Variants in ANXA6 observed in about 807,000 individuals in gnomAD.
ANXA6 encodes annexin A6, also known as 67 kDa calelectrin.
Under a neutral mutation model 95.4 loss-of-function variants are expected in ANXA6, and 71 were observed. That is an observed-to-expected ratio of 0.74 (90% CI 0.61 to 0.91). The LOEUF is 0.91. Among genes scored for constraint, ANXA6 ranks in the 40% least tolerant of loss-of-function variants. The pLI, the probability that ANXA6 is intolerant of heterozygous loss-of-function variation, is 0.00. For missense variants in ANXA6, 830 were observed against 876.4 expected, an observed-to-expected ratio of 0.95 and a Z score of 0.67; for synonymous variants, 289 against 315.9, an observed-to-expected ratio of 0.91 and a Z score of 0.90.
In ANXA6 at chr5:151,122,900, CAGG is replaced by C. The variant is rs1561573427; in HGVS notation, c.1233+14_1233+16del. 6.2e-7 allele frequency: 1 copy of C among 1,612,046 alleles called. No individual in the cohort carries two copies. Among genetic ancestry groups the C allele is most frequent in the Non-Finnish European group, 8.5e-7 (1 of 1,178,308 alleles). ...GTGCATGCATGTTGCACAGAGAGCC[CAGG>C]AGGAGGTCCTTACCCGGCCAAAGTG... On this transcript the variant is annotated intron_variant, in intron 16 of 25. Coordinates refer to ENST00000354546, the MANE Select transcript of ANXA6 (RefSeq NM_001155.5).
chr5:151,103,423 C>T (rs765887774), intron 25 of ANXA6, 147 bp downstream of exon 25: 16 of 624,838 alleles, frequency 2.6e-5, no homozygotes, highest in Non-Finnish European at 4.1e-5. Flanking sequence ...ATAAACAATG[C>T]AATACAGACC....
intron 2 of ANXA6, among the ~76,000 whole-genome samples, chr5:151,143,625 C>T (rs1322596633): frequency 2.0e-5 from 3 of 152,008 alleles, no homozygotes; most frequent in Non-Finnish European, 4.4e-5. Flanking sequence ...GACAGTGTGG[C>T]AGATACGATG....
intron 20 of ANXA6, 77 bp from the exon 21 acceptor site, chr5:151,110,721 G>T: frequency 6.5e-7 from 1 of 1,534,916 alleles, no homozygotes; most frequent in Non-Finnish European, 9.0e-7. Flanking sequence ...TGGTGCTGGG[G>T]CCCTGGGGTG....
In ANXA6 at chr5:151,137,329, T is replaced by C; in HGVS notation, c.319-8A>G. On this transcript the variant is annotated splice_region_variant and splice_polypyrimidine_tract_variant and intron_variant, in intron 5 of 25. Coordinates refer to ENST00000354546, the MANE Select transcript of ANXA6 (RefSeq NM_001155.5). ...CTCATCAGTGCCAATGCCCTGGGGG[T>C]AGAAAAAGAGCGCATGAATTAAGGG... The C allele has an allele frequency of 6.2e-7, 1 of 1,609,290 alleles. No homozygotes were observed. The highest frequency in any genetic ancestry group is 8.5e-7 in the Non-Finnish European group (1 of 1,177,686).
rs995270257 is a variant in ANXA6, at chr5:151,134,366, A to G, written c.546+61T>C. 9.5e-6 allele frequency: 15 copies of G among 1,575,780 alleles called. No homozygotes were observed. The Admixed American group carries it at 2.2e-4, about 23-fold the overall frequency. On this transcript the variant is annotated intron_variant, in intron 8 of 25. Transcript: ENST00000354546. ...ACCTCCAGCCCTTCCCAGGGCCCCA[A>G]CCTCTCCCCTCCCAAGGCTCTTCTG... is the stretch of plus-strand genomic sequence containing the variant.
chr5:151,143,105 CT>C (rs1765881277), intron 2 of ANXA6, among the ~76,000 whole-genome samples: 1 of 152,228 alleles, frequency 6.6e-6, no homozygotes. Context: ...TCTATTACCA[CT>C]TGTGTCCCAG....
At chr5:151,125,112 T>G (rs1765281081) in intron 14 of ANXA6, among the ~76,000 whole-genome samples, 1 of 152,174 alleles carries the variant, frequency 6.6e-6, no homozygotes, top group Admixed American at 6.5e-5. Context: ...ATCTCAGCAC[T>G]TTGGGAGGCC....
intron 11 of ANXA6, 45 bp from the exon 12 acceptor site, chr5:151,129,574 T>C: frequency 1.9e-6 from 3 of 1,558,764 alleles, no homozygotes; most frequent in Non-Finnish European, 2.6e-6. Context: ...GAGAGGAGGC[T>C]AGAGTGCTGA....
chr5:151,128,327 G>A (rs1452518734), intron 12 of ANXA6, 88 bp from the exon 13 acceptor site: 21 of 1,144,084 alleles, frequency 1.8e-5, no homozygotes, highest in Non-Finnish European at 2.7e-5. Flanking sequence ...GCCTGAAAGA[G>A]GGGAAGGCTG....
chr5:151,112,390 G>A (rs776024222), intron 20 of ANXA6, among the ~76,000 whole-genome samples: 66 of 152,056 alleles, frequency 4.3e-4, no homozygotes, highest in Non-Finnish European at 8.4e-4. Flanking sequence ...GACTATGAGG[G>A]AAAGCTTTCG....
rs776311982 is a variant in ANXA6, at chr5:151,110,663, G to T, written c.1573-19C>A. On this transcript the variant is annotated intron_variant, in intron 20 of 25. Transcript: ENST00000354546. ...CAGCCACCTGAGAGCAGGGAGGGGA[G>T]AGAGGAGGGAGAGAAGGGAGGCAAG... 1.2e-6 allele frequency: 2 copies of T among 1,613,206 alleles called. No individual in the cohort carries two copies. The highest frequency in any genetic ancestry group is 2.2e-5 in the South Asian group (2 of 91,042).
At chr5:151,128,370 C>G in intron 12 of ANXA6, 131 bp from the exon 13 acceptor site, 1 of 764,622 alleles carries the variant, frequency 1.3e-6, no homozygotes, top group Non-Finnish European at 2.2e-6. Context: ...CCCTGGCCCT[C>G]CTGTGCTGGT....
chr5:151,146,352 A>AT (rs1385111438), intron 2 of ANXA6, among the ~76,000 whole-genome samples: 1 of 152,010 alleles, frequency 6.6e-6, no homozygotes, highest in Non-Finnish European at 1.5e-5. Flanking sequence ...AATCAGTAAC[A>AT]TTTTCTCCTC....
Position 151,101,464 on chromosome 5 carries a change from C to G in ANXA6, c.2006G>C (p.Cys669Ser). The change falls in exon 26 of 26, where the codon TGT becomes TCT. Residue 669 changes from cysteine (C) to serine (S), a missense_variant. Cys to Ser is a moderately radical substitution (Grantham distance 112). Coordinates refer to ENST00000354546, the MANE Select transcript of ANXA6 (RefSeq NM_001155.5). ...GDFLKALLAL[C>S]GGED ...GCTGTGGCCCTAGTCCTCACCACCA[C>G]AGAGAGCCAGCAAGGCCTTCAGGAA... 2 of 1,560,470 alleles carry G rather than the reference C, an allele frequency of 1.3e-6. No homozygotes were observed. Among genetic ancestry groups the G allele is most frequent in the Non-Finnish European group, 8.7e-7 (1 of 1,152,206 alleles).
intron 9 of ANXA6, 147 bp from the exon 10 acceptor site, chr5:151,132,718 G>T: frequency 1.5e-6 from 1 of 652,160 alleles, no homozygotes; most frequent in Non-Finnish European, 2.6e-6. Flanking sequence ...GCGACTGGGA[G>T]GTCACGCACA....
intron 25 of ANXA6, among the ~76,000 whole-genome samples, chr5:151,102,392 T>C (rs1233220829): frequency 6.6e-6 from 1 of 152,130 alleles, no homozygotes; most frequent in Non-Finnish European, 1.5e-5. Context: ...AGCAAAAATA[T>C]AAGCTCCATA....
In ANXA6 at chr5:151,137,339, G is replaced by A; in HGVS notation, c.319-18C>T. The A allele has an allele frequency of 6.2e-7, 1 of 1,605,858 alleles. No homozygotes were observed. Among genetic ancestry groups the A allele is most frequent in the Non-Finnish European group, 8.5e-7 (1 of 1,174,872 alleles). ...CCAATGCCCTGGGGGTAGAAAAAGA[G>A]CGCATGAATTAAGGGCAGGGATGGG... On this transcript the variant is annotated intron_variant, in intron 5 of 25. Transcript: ENST00000354546.
intron 25 of ANXA6, 24 bp downstream of exon 25, chr5:151,103,546 C>A: frequency 6.2e-7 from 1 of 1,601,096 alleles, no homozygotes; most frequent in South Asian, 1.1e-5. Context: ...CCGCTTCCTG[C>A]TAACCTCTAG....
rs77639212 is a variant in ANXA6 at position 151,128,406 on chromosome 5, G to A, written c.919-167C>T. ...TAATATTGAATAACTGGTTCTCAGC[G>A]GGCAGGTTGGAGGAAGCCCTAATTT... On this transcript the variant is annotated intron_variant, in intron 12 of 25. Transcript: ENST00000354546. 2.8e-3 allele frequency: 1,689 copies of A among 613,222 alleles called. 17 individuals are homozygous for A. The highest frequency in any genetic ancestry group is 0.027 in the African/African-American group (1,450 of 54,408). The allele number at this position is 613,222 out of a possible 1,614,324, so 38.0% of individuals were successfully genotyped here.
Sources: gnomAD v4.1 joint callset for allele counts (sites outside exome capture counted in the v4.1 genomes callset) on GRCh38, gnomAD v4.1.1 for gene constraint, MANE v1.5 for transcripts, NCBI Gene and HGNC (gene_info 2026-07-23, HGNC 2026-07-21) for gene names.